Variants in CACNA1B observed in about 807,000 individuals in gnomAD.
The protein encoded by CACNA1B is voltage-dependent N-type calcium channel subunit alpha-1B.
In CACNA1B, 70 loss-of-function variants were observed where a neutral mutation model predicts 247.2. The ratio of observed to expected loss-of-function variants is 0.28; its 90% CI spans 0.23 to 0.35. The LOEUF is 0.35. CACNA1B is among the 10% of genes least tolerant of loss of function. CACNA1B has a pLI of 1.00. For synonymous variants in CACNA1B, 1,231 were observed against 1,294.4 expected (o/e 0.95, Z 1.05); for missense variants, 2,367 against 3,197.4 (o/e 0.74, Z 6.26).
chr9:138,048,365 C>T (rs1959201275), intron 23 of CACNA1B, among the ~76,000 whole-genome samples: 1 of 152,206 alleles, frequency 6.6e-6, no homozygotes, highest in African/African-American at 2.4e-5. Flanking sequence ...CCATGTGTAC[C>T]TACAGCCCAG....
At chr9:138,030,629 T>C (rs1958977243) in intron 20 of CACNA1B, among the ~76,000 whole-genome samples, 1 of 152,208 alleles carries the variant, frequency 6.6e-6, no homozygotes, top group Non-Finnish European at 1.5e-5. Flanking sequence ...GTCCCTCTTC[T>C]ATTTTCTAGA....
At position 138,072,672 on chromosome 9, in the gene CACNA1B, C is replaced by T. The variant is rs1960173114; in HGVS notation, c.4675-816C>T. On this transcript the variant is annotated intron_variant, in intron 32 of 46. Transcript: ENST00000371372. The surrounding 1 kb of genome is among the most constrained non-coding windows in gnomAD (Gnocchi z 4.5). Reference sequence around the variant, plus strand: ...CTGTGCACGGACACCTCCCCAGAGCCTGCTTCCCTGAAAGGGATGTGCCAG... The same window carrying T: ...CTGTGCACGGACACCTCCCCAGAGCTTGCTTCCCTGAAAGGGATGTGCCAG... Among the ~76,000 whole-genome samples the T allele has an allele frequency of 6.6e-6, 1 of 152,260 alleles. No individual in the cohort carries two copies. The highest frequency in any genetic ancestry group is 6.5e-5 in the Admixed American group (1 of 15,292).
intron 12 of CACNA1B, among the ~76,000 whole-genome samples, chr9:137,981,637 C>T (rs1030395719): frequency 6.6e-6 from 1 of 152,140 alleles, no homozygotes; most frequent in Non-Finnish European, 1.5e-5. Context: ...CCAACACGTC[C>T]AGCTAATTTT....
At chr9:137,963,586 A>G (rs145739066) in intron 10 of CACNA1B, among the ~76,000 whole-genome samples, 4,635 of 152,144 alleles carry the variant, frequency 0.03, 111 homozygotes, top group South Asian at 0.073. Context: ...TTTAGTAGAG[A>G]TGAGGTTTCA....
chr9:138,011,260 A>C lies in CACNA1B; in HGVS notation c.2160+1183A>C, dbSNP rs1958720699. Among the ~76,000 whole-genome samples the C allele has an allele frequency of 6.6e-6, 1 of 152,116 alleles. No homozygotes were observed. Among genetic ancestry groups the C allele is most frequent in the Non-Finnish European group, 1.5e-5 (1 of 68,022 alleles). On this transcript the variant is annotated intron_variant, in intron 17 of 46. Coordinates refer to ENST00000371372, the MANE Select transcript of CACNA1B (RefSeq NM_000718.4). This position sits in a 1 kb window ranked among gnomAD's most constrained non-coding sequence, Gnocchi z 4.2. ...AGCTGTCCTGGGTGGGCTGCACTGG[A>C]GCGCTGGGGCCCCACTGTCTCTTTA...
intron 3 of CACNA1B, among the ~76,000 whole-genome samples, chr9:137,907,547 C>A (rs1957312351): frequency 6.6e-6 from 1 of 152,202 alleles, no homozygotes; most frequent in Non-Finnish European, 1.5e-5. Context: ...TTATTTTAAT[C>A]TGGATTTCCC....
chr9:138,113,641 C>T (rs575363214), intron 40 of CACNA1B, among the ~76,000 whole-genome samples: 2 of 124,806 alleles, frequency 1.6e-5, no homozygotes, highest in Admixed American at 7.7e-5. Flanking sequence ...CGTGAGGGAG[C>T]GCAGGAAGGT....
At position 138,043,852 on chromosome 9, in the gene CACNA1B, G is replaced by A. The variant is rs201992155; in HGVS notation, c.3365G>A (p.Arg1122Gln). 5.6e-6 allele frequency: 9 copies of A among 1,613,856 alleles called. No individual in the cohort carries two copies. The highest frequency in any genetic ancestry group is 1.6e-4 in the Middle Eastern group (1 of 6,084). ...EADDVMRSGP[R>Q]PIVPYSSMFC... ...GATGACGTGATGAGGAGCGGCCCCC[G>A]GCCTATCGTCCCATACAGCTCCATG... The change falls in exon 21 of 47, where the codon CGG (arginine) becomes CAG (glutamine). Residue 1122 changes from arginine (R) to glutamine (Q), a missense_variant. Around this residue, in one of 12 missense-constraint regions of CACNA1B, gnomAD observed 631 missense variants for 631.1 expected, o/e 1.00. Coordinates refer to ENST00000371372, the MANE Select transcript of CACNA1B (RefSeq NM_000718.4).
chr9:138,081,352 G>A (rs970307936), intron 36 of CACNA1B, among the ~76,000 whole-genome samples: 4 of 152,200 alleles, frequency 2.6e-5, no homozygotes, highest in Non-Finnish European at 4.4e-5. Flanking sequence ...CATGGTTCTT[G>A]GCTAACCCTG....
intron 3 of CACNA1B, among the ~76,000 whole-genome samples, chr9:137,906,609 T>C (rs1474232793): frequency 6.6e-6 from 1 of 152,094 alleles, no homozygotes. Flanking sequence ...TGTGATGTCT[T>C]AACATACATG....
intron 26 of CACNA1B, among the ~76,000 whole-genome samples, chr9:138,056,064 T>C (rs1181843753): frequency 2.0e-5 from 3 of 152,104 alleles, no homozygotes; most frequent in South Asian, 2.1e-4. Context: ...AACAGCTTTA[T>C]TGAGATGTAA....
intron 3 of CACNA1B, among the ~76,000 whole-genome samples, chr9:137,910,706 C>T (rs1283102791): frequency 6.6e-6 from 1 of 151,996 alleles, no homozygotes; most frequent in Non-Finnish European, 1.5e-5. Flanking sequence ...GATTCATGCT[C>T]CTATGAGAAT....
chr9:137,926,829 T>A (rs903119673), intron 6 of CACNA1B, among the ~76,000 whole-genome samples: 5 of 152,246 alleles, frequency 3.3e-5, no homozygotes, highest in Non-Finnish European at 7.3e-5. Context: ...ATTGGCCATT[T>A]GCATGTCTTC....
intron 21 of CACNA1B, among the ~76,000 whole-genome samples, chr9:138,045,939 G>A (rs554791965): frequency 2.0e-5 from 3 of 152,224 alleles, no homozygotes; most frequent in South Asian, 2.1e-4. Flanking sequence ...GGCTGGGGGC[G>A]GTGGACACGC....
intron 36 of CACNA1B, 68 bp downstream of exon 36, chr9:138,078,326 C>A: frequency 6.8e-7 from 1 of 1,470,904 alleles, no homozygotes; most frequent in Non-Finnish European, 9.5e-7. Context: ...GCTTCTCCCA[C>A]ATCTCCTGCT....
chr9:138,104,389 C>A (rs566259158), intron 38 of CACNA1B, among the ~76,000 whole-genome samples: 1 of 152,162 alleles, frequency 6.6e-6, no homozygotes, highest in Admixed American at 6.5e-5. Context: ...CGCCCCCCAA[C>A]GCCTGCCCTG....
At chr9:137,985,630 A>T (rs1033532938) in intron 13 of CACNA1B, among the ~76,000 whole-genome samples, 1 of 152,208 alleles carries the variant, frequency 6.6e-6, no homozygotes, top group African/African-American at 2.4e-5. Context: ...TTGGGAGCCC[A>T]GGGGTGCCCA....
At chr9:137,884,967 C>T (rs1443282674) in intron 3 of CACNA1B, among the ~76,000 whole-genome samples, 5 of 84,790 alleles carry the variant, frequency 5.9e-5, no homozygotes, top group Non-Finnish European at 1.4e-4. Context: ...TCCCCCCCCC[C>T]CTCCTCCCAC....
intron 16 of CACNA1B, 136 bp from the exon 17 acceptor site, chr9:138,009,874 A>G (rs999358368): frequency 3.0e-6 from 2 of 658,972 alleles, no homozygotes; most frequent in Non-Finnish European, 2.7e-6. Flanking sequence ...GTGTCTGGGG[A>G]TGGGGCCTTG....
Sources: gnomAD v4.1 joint callset for allele counts (sites outside exome capture counted in the v4.1 genomes callset) on GRCh38, gnomAD v4.1.1 for gene constraint, gnomAD v4.1.1 regional missense constraint, Gnocchi (gnomAD v3.1) non-coding constraint, MANE v1.5 for transcripts, NCBI Gene and HGNC (gene_info 2026-07-23, HGNC 2026-07-21) for gene names.